Variants in PGF observed in about 807,000 individuals in gnomAD.
The protein encoded by PGF is placenta growth factor.
In PGF, 11 loss-of-function variants were observed where a neutral mutation model predicts 25.3. That is an observed-to-expected ratio of 0.43 (90% CI 0.27 to 0.72). The LOEUF is 0.72. PGF is among the 30% of genes least tolerant of loss of function. PGF has a pLI of 0.18. For missense variants in PGF, 230 were observed against 234.9 expected, an observed-to-expected ratio of 0.98 and a Z score of 0.14; for synonymous variants, 105 against 97.9, an observed-to-expected ratio of 1.07 and a Z score of -0.43.
In PGF at chr14:74,952,029, C is replaced by T. The variant is rs539045296; in HGVS notation, c.118+1875G>A. ...CGGGAGGGGGTGGAGGTGAGAGCAA[C>T]GGGAAGCTGTGGCCCCCTCAGGGCC... On this transcript the variant is annotated intron_variant, in intron 2 of 6. Transcript: ENST00000555567. Among the ~76,000 whole-genome samples the T allele has an allele frequency of 1.7e-3, 259 of 152,184 alleles. 3 individuals carry two copies. The highest frequency in any genetic ancestry group is 2.5e-3 in the Non-Finnish European group (173 of 67,990).
chr14:74,947,055 T>G (rs576745981), intron 4 of PGF: 67 of 554,960 alleles, frequency 1.2e-4, no homozygotes, highest in African/African-American at 1.1e-3. Flanking sequence ...TGGGACAGCA[T>G]GGTAGCAGTC....
At chr14:74,954,087 C>T in intron 1 of PGF, 141 bp from the exon 2 acceptor site, 1 of 743,094 alleles carries the variant, frequency 1.3e-6, no homozygotes, top group Non-Finnish European at 2.3e-6. Context: ...CTCAGAGCAG[C>T]CTGAGTACCA....
Position 74,950,374 on chromosome 14 carries a change from G to A in PGF, c.119-821C>T, listed in dbSNP as rs747399194. On this transcript the variant is annotated intron_variant, in intron 2 of 6. Transcript: ENST00000555567. The surrounding 1 kb of genome is among the most constrained non-coding windows in gnomAD (Gnocchi z 4.1). The stretch of plus-strand genomic sequence containing the variant: ...CTCTTATCTCCTTTACAACCAACTC[G>A]AGGCTCCATGAGGGCAGAGATGGAC... Among the ~76,000 whole-genome samples the A allele has an allele frequency of 3.9e-5, 6 of 152,158 alleles. No homozygotes were observed. Among genetic ancestry groups the A allele is most frequent in the African/African-American group, 4.8e-5 (2 of 41,430 alleles).
Position 74,955,218 on chromosome 14 carries a change from A to G in PGF, c.25T>C (p.Cys9Arg). ...AGCCCGGCCAGGAGCTGCAGGAAGC[A>G]AGGGAACAGCCTCATGACCGGCATC... is the stretch of plus-strand genomic sequence containing the variant. MPVMRLFP[C>R]FLQLLAGLAL... The change falls in exon 1 of 7, where the codon TGC becomes CGC. Residue 9 changes from cysteine (C) to arginine (R), a missense_variant. Coordinates refer to ENST00000555567, the MANE Select transcript of PGF (RefSeq NM_002632.6). This position sits in a 1 kb window ranked among gnomAD's most constrained non-coding sequence, Gnocchi z 4.1. 1 of 1,489,862 alleles carries G rather than the reference A, an allele frequency of 6.7e-7. No homozygotes were observed. Among genetic ancestry groups the G allele is most frequent in the Non-Finnish European group, 9.0e-7 (1 of 1,112,532 alleles). 92.3% of individuals were successfully genotyped at this position (1,489,862 alleles called of 1,614,324 possible). A position where few individuals can be genotyped will look rare whatever the true frequency, so the allele number is the denominator to read the frequency against.
intron 2 of PGF, among the ~76,000 whole-genome samples, chr14:74,952,520 A>G (rs1221174106): frequency 2.0e-5 from 3 of 152,258 alleles, no homozygotes; most frequent in African/African-American, 7.2e-5. Flanking sequence ...TCAAAACAGA[A>G]TGACAGAAAA....
intron 2 of PGF, among the ~76,000 whole-genome samples, chr14:74,951,528 C>T (rs1221864680): frequency 6.6e-6 from 1 of 152,236 alleles, no homozygotes; most frequent in African/African-American, 2.4e-5. Flanking sequence ...CAGGTTCCTG[C>T]CCTGGGACCA....
At chr14:74,954,354 G>C (rs1005590348) in intron 1 of PGF, 4 of 224,252 alleles carry the variant, frequency 1.8e-5, no homozygotes, top group East Asian at 1.0e-4. Flanking sequence ...GGGCTGGAGC[G>C]GGTGGCGCCA....
At chr14:74,942,798 A>C in intron 6 of PGF, 65 bp from the exon 7 acceptor site, 4 of 1,460,494 alleles carry the variant, frequency 2.7e-6, no homozygotes, top group South Asian at 1.2e-5. Flanking sequence ...GTCTCCTCCT[A>C]TGGAGGAGGG....
chr14:74,949,546 G>C lies in PGF; in HGVS notation c.126C>G (p.Pro42=). 6.4e-7 allele frequency: 1 copy of C among 1,567,020 alleles called. No homozygotes were observed. The highest frequency in any genetic ancestry group is 8.6e-7 in the Non-Finnish European group (1 of 1,156,568). ...GNGSSEVEVV[P]FQEVWGRSYC... ...AGCTGCGGCCCCACACTTCCTGGAA[G>C]GGTACCACTGCGAGGAAGCAAGGGG... The change falls in exon 3 of 7, where the codon CCC becomes CCG. Residue 42 remains proline, a synonymous_variant. Transcript: ENST00000555567.
intron 5 of PGF, 36 bp from the exon 6 acceptor site, chr14:74,946,311 G>A: frequency 6.2e-7 from 1 of 1,614,130 alleles, no homozygotes; most frequent in Non-Finnish European, 8.5e-7. Flanking sequence ...AGGTGGCTGG[G>A]GAACCCCATG....
At chr14:74,948,201 G>T in intron 4 of PGF, 1 of 279,276 alleles carries the variant, frequency 3.6e-6, no homozygotes. Context: ...TCCCAGAGAA[G>T]GGGAACGACA....
At chr14:74,948,994 TACTC>T (rs1888808613) in intron 3 of PGF, among the ~76,000 whole-genome samples, 1 of 152,230 alleles carries the variant, frequency 6.6e-6, no homozygotes, top group Non-Finnish European at 1.5e-5. Flanking sequence ...TGCTTGGCAT[TACTC>T]AGTAAGTGCT....
chr14:74,948,246 C>T (rs968676425), intron 4 of PGF: 6 of 374,996 alleles, frequency 1.6e-5, no homozygotes, highest in Non-Finnish European at 2.9e-5. Flanking sequence ...GAGGGACCCA[C>T]CCTCTCTCTT....
At chr14:74,942,781 G>A (rs1469688555) in intron 6 of PGF, 48 bp from the exon 7 acceptor site, 1 of 1,584,416 alleles carries the variant, frequency 6.3e-7, no homozygotes. Flanking sequence ...ACACTGTGGA[G>A]GGTGCGGTCT....
intron 2 of PGF, among the ~76,000 whole-genome samples, chr14:74,951,288 C>T (rs61757890): frequency 0.023 from 3,457 of 152,226 alleles, 149 homozygotes; most frequent in African/African-American, 0.079. Context: ...GATACTGCCC[C>T]GGAACCCAGT....
chr14:74,953,911 C>T lies in PGF; in HGVS notation c.111G>A (p.Glu37=). Residue 37 remains glutamate (E), a synonymous_variant, in exon 2 of 7, where the codon GAG becomes GAA. Coordinates refer to ENST00000555567, the MANE Select transcript of PGF (RefSeq NM_002632.6). This position sits in a 1 kb window ranked among gnomAD's most constrained non-coding sequence, Gnocchi z 5.4. ...WALSAGNGSS[E]VEVVPFQEVW... ...CCAGCCTGGCCAGCTTACCTTCCAC[C>T]TCTGACGAGCCGTTCCCAGCAGACA... 1 of 1,613,858 alleles carries T rather than the reference C, an allele frequency of 6.2e-7. No individual in the cohort carries two copies. Among genetic ancestry groups the T allele is most frequent in the Admixed American group, 1.7e-5 (1 of 60,026 alleles).
chr14:74,949,272 C>T (rs1888815449), intron 3 of PGF, 85 bp downstream of exon 3: 2 of 1,173,220 alleles, frequency 1.7e-6, no homozygotes, highest in South Asian at 1.8e-5. Flanking sequence ...GGCTCCAGCC[C>T]TGGGACCTGG....
intron 1 of PGF, among the ~76,000 whole-genome samples, chr14:74,954,619 C>G (rs1888943035): frequency 6.6e-6 from 1 of 152,116 alleles, no homozygotes; most frequent in Non-Finnish European, 1.5e-5. Context: ...TTCCCCAGGC[C>G]CTGCACTCAG....
Position 74,949,601 on chromosome 14 carries a change from T to C in PGF, c.119-48A>G, listed in dbSNP as rs1285671882. 1.4e-6 allele frequency: 2 copies of C among 1,418,352 alleles called. 1 individual carries two copies. The allele number at this position is 1,418,352 out of a possible 1,614,324, so 87.9% of individuals were successfully genotyped here. On this transcript the variant is annotated intron_variant, in intron 2 of 6. Transcript: ENST00000555567. ...GGTCAGGCCAGCAGAGACCTGCCCC[T>C]TGAAGCCCTAAACCTGGCTCCCAAG...
Sources: allele counts gnomAD v4.1 joint callset (sites outside exome capture counted in the v4.1 genomes callset), GRCh38; gene constraint gnomAD v4.1.1; non-coding constraint Gnocchi (gnomAD v3.1); transcripts MANE v1.5; gene names NCBI Gene and HGNC (gene_info 2026-07-23, HGNC 2026-07-21).